The following TBC1D16 variants were observed in gnomAD, a reference collection of about 807,000 sequenced individuals.
TBC1D16 encodes TBC1 domain family member 16, also known as CTD-2529O21.1.
A neutral mutation model predicts 74.7 loss-of-function variants in TBC1D16; 58 were observed. That is an observed-to-expected ratio of 0.78 (90% CI 0.63 to 0.97). The LOEUF (loss-of-function observed/expected upper bound fraction) is 0.97, where lower values mean the gene tolerates loss of function less well. Ranked by LOEUF, TBC1D16 falls within the 50% of genes least tolerant of loss-of-function variation. The probability of loss-of-function intolerance (pLI) is 0.00; values close to 1 mark genes in which losing one functional copy is unlikely to be tolerated. For synonymous variants in TBC1D16, 493 were observed against 474.7 expected, an observed-to-expected ratio of 1.04 and a Z score of -0.50; for missense variants, 1,014 against 1,079.5, an observed-to-expected ratio of 0.94 and a Z score of 0.85.
chr17:79,933,962 T>C lies in TBC1D16; in HGVS notation c.*6897A>G, dbSNP rs1295531648. ...GAAGGACCCCAGAGAACTTCCCCTC[T>C]GGAGCCTGTGCGGCTGGTTGAGTGT... On this transcript the variant is annotated 3_prime_UTR_variant, in exon 12 of 12. Coordinates refer to ENST00000310924, the MANE Select transcript of TBC1D16 (RefSeq NM_019020.4). 6.6e-6 allele frequency: 1 copy of C among 152,282 alleles called. No individual in the cohort carries two copies. Among genetic ancestry groups the C allele is most frequent in the African/African-American group, 2.4e-5 (1 of 41,446 alleles). The allele number at this position is 152,282 out of a possible 1,614,324, so 9.4% of individuals were successfully genotyped here. A position where few individuals can be genotyped will look rare whatever the true frequency, so the allele number is the denominator to read the frequency against.
Position 80,007,840 on chromosome 17 carries a change from C to T in TBC1D16, c.779+2320G>A, listed in dbSNP as rs1461292392. 6.6e-6 allele frequency among the ~76,000 whole-genome samples: 1 copy of T among 152,066 alleles called. No homozygotes were observed. The highest frequency in any genetic ancestry group is 1.5e-5 in the Non-Finnish European group (1 of 68,004). On this transcript the variant is annotated intron_variant, in intron 3 of 11. Transcript: ENST00000310924. The surrounding 1 kb of genome is among the most constrained non-coding windows in gnomAD (Gnocchi z 4.5). ...GGGTGGGGAGGCAGGCAGCATCGCT[C>T]AGCAGGGCCAGATGGTGATGGGCCT...
intron 1 of TBC1D16, 125 bp from the exon 2 acceptor site, chr17:80,013,734 A>G (rs1003142808): frequency 1.2e-4 from 70 of 591,800 alleles, no homozygotes; most frequent in Admixed American, 9.2e-4. Context: ...GCTGGTGAAC[A>G]GCTCTGTACA....
chr17:80,024,820 A>G (rs2036490045), intron 1 of TBC1D16, among the ~76,000 whole-genome samples: 1 of 147,014 alleles, frequency 6.8e-6, no homozygotes, highest in Non-Finnish European at 1.5e-5. Context: ...TACACCATAG[A>G]CACACGCACT....
In TBC1D16 at chr17:79,961,964, TA is replaced by T. The variant is rs2033634595; in HGVS notation, c.780-9147del. Among the ~76,000 whole-genome samples the T allele has an allele frequency of 6.6e-6, 1 of 152,156 alleles. No homozygotes were observed. Among genetic ancestry groups the T allele is most frequent in the African/African-American group, 2.4e-5 (1 of 41,440 alleles). On this transcript the variant is annotated intron_variant, in intron 3 of 11. Transcript: ENST00000310924. The surrounding 1 kb of genome is among the most constrained non-coding windows in gnomAD (Gnocchi z 4.8). ...GCAGTAATGAATCGTGGTCTGTACA[TA>T]CCATGGCATACTACTCAGCTGTAAC...
rs1006827204 is a variant in TBC1D16 at position 79,937,027 on chromosome 17, T to C, written c.*3832A>G. Reference sequence around the variant, plus strand: ...GCAGAGCATACAGGGAGGTGCTTCCTTCCCTCTGCCCAGCGAGCAAAGGGT... The same window carrying C: ...GCAGAGCATACAGGGAGGTGCTTCCCTCCCTCTGCCCAGCGAGCAAAGGGT... On this transcript the variant is annotated 3_prime_UTR_variant, in exon 12 of 12. Coordinates refer to ENST00000310924, the MANE Select transcript of TBC1D16 (RefSeq NM_019020.4). 5 of 150,202 alleles carry C rather than the reference T, an allele frequency of 3.3e-5. No homozygotes were observed. The highest frequency in any genetic ancestry group is 1.2e-4 in the African/African-American group (5 of 40,902). 9.3% of individuals were successfully genotyped at this position (150,202 alleles called of 1,614,324 possible).
At chr17:80,014,427 A>G (rs549814589) in intron 1 of TBC1D16, among the ~76,000 whole-genome samples, 37 of 152,324 alleles carry the variant, frequency 2.4e-4, no homozygotes, top group Middle Eastern at 3.4e-3. Context: ...AACTCCTATA[A>G]ATTCATGGTG....
Position 79,956,296 on chromosome 17 carries a change from CT to C in TBC1D16, c.780-3479del, listed in dbSNP as rs2033332644. ...AAAGACAAGGTCTCCCTCTATCCCC[CT>C]GGCTGAAGTGCGGTGGTGCAAACAC... On this transcript the variant is annotated intron_variant, in intron 3 of 11. Coordinates refer to ENST00000310924, the MANE Select transcript of TBC1D16 (RefSeq NM_019020.4). This position sits in a 1 kb window ranked among gnomAD's most constrained non-coding sequence, Gnocchi z 4.0. 6.6e-6 allele frequency among the ~76,000 whole-genome samples: 1 copy of C among 152,244 alleles called. No homozygotes were observed. The highest frequency in any genetic ancestry group is 1.5e-5 in the Non-Finnish European group (1 of 68,038).
chr17:79,952,626 C>A, intron 4 of TBC1D16, 31 bp downstream of exon 4: 1 of 1,567,430 alleles, frequency 6.4e-7, no homozygotes, highest in Admixed American at 1.8e-5. Context: ...CACAGGCCAA[C>A]TCCCAGGAGG....
intron 1 of TBC1D16, among the ~76,000 whole-genome samples, chr17:80,024,279 C>G (rs1036093060): frequency 2.1e-4 from 6 of 29,262 alleles, no homozygotes; most frequent in Non-Finnish European, 3.6e-4. Flanking sequence ...AGTCAGAGGC[C>G]GAGAAGCACA....
chr17:79,953,082 C>G (rs1324142988), intron 3 of TBC1D16: 1 of 319,118 alleles, frequency 3.1e-6, no homozygotes, highest in African/African-American at 2.1e-5. Context: ...CATCATCGTC[C>G]TGACAGCCAA....
chr17:79,949,104 C>A (rs573166640), intron 7 of TBC1D16, 98 bp from the exon 8 acceptor site: 29 of 1,535,240 alleles, frequency 1.9e-5, no homozygotes, highest in Non-Finnish European at 1.3e-5. Flanking sequence ...TCCCAACCCC[C>A]GTTCCCTGGA....
chr17:79,940,973 G>A lies in TBC1D16; in HGVS notation c.2190C>T (p.Pro730=), dbSNP rs778439295. ...MPAVECTGHH[P]GSESCPYGGT... ...CCCCGTAGGGACAGCTCTCCGAGCC[G>A]GGATGGTGGCCGGTGCACTCCACCG... is the stretch of plus-strand genomic sequence containing the variant. The change falls in exon 12 of 12, where the codon CCC becomes CCT. Residue 730 remains proline (P), a synonymous_variant. Coordinates refer to ENST00000310924, the MANE Select transcript of TBC1D16 (RefSeq NM_019020.4). This position sits in a 1 kb window ranked among gnomAD's most constrained non-coding sequence, Gnocchi z 5.4. 2.2e-5 allele frequency: 35 copies of A among 1,606,342 alleles called. No individual in the cohort carries two copies. Among genetic ancestry groups the A allele is most frequent in the South Asian group, 1.9e-4 (17 of 89,638 alleles).
At chr17:80,028,746 A>G (rs2036674025) in intron 1 of TBC1D16, among the ~76,000 whole-genome samples, 1 of 150,802 alleles carries the variant, frequency 6.6e-6, no homozygotes, top group African/African-American at 2.4e-5. Flanking sequence ...GAGTAGCTGG[A>G]ATTACAGGCG....
In TBC1D16 at chr17:80,028,321, G is replaced by A. The variant is rs72848459; in HGVS notation, c.-63+7474C>T. On this transcript the variant is annotated intron_variant, in intron 1 of 11. Transcript: ENST00000310924. ...CGAGGCAGTTGCATCACCTGAAGTCGGGAGTTCATGACCAGCCTGGCCAAC... is the reference window on the plus strand; with the variant it reads ...CGAGGCAGTTGCATCACCTGAAGTCAGGAGTTCATGACCAGCCTGGCCAAC... Among the ~76,000 whole-genome samples, 703 of 151,990 alleles carry A rather than the reference G, an allele frequency of 4.6e-3. 2 individuals carry two copies. The highest frequency in any genetic ancestry group is 7.7e-3 in the Non-Finnish European group (525 of 67,972).
At chr17:80,015,363 G>C (rs557685199) in intron 1 of TBC1D16, among the ~76,000 whole-genome samples, 3 of 152,288 alleles carry the variant, frequency 2.0e-5, no homozygotes, top group African/African-American at 7.2e-5. Context: ...GAACCCGGGA[G>C]GTGGAGGTTG....
chr17:79,942,894 G>A (rs574274427), intron 10 of TBC1D16, among the ~76,000 whole-genome samples: 5 of 152,336 alleles, frequency 3.3e-5, no homozygotes, highest in South Asian at 2.1e-4. Context: ...ACCGCCTCAC[G>A]GGGCCTGCCA....
At chr17:80,029,440 A>G (rs1459300869) in intron 1 of TBC1D16, among the ~76,000 whole-genome samples, 2 of 151,912 alleles carry the variant, frequency 1.3e-5, no homozygotes, top group Non-Finnish European at 2.9e-5. Context: ...GTCCCCTAGG[A>G]GCCACTTGGC....
At chr17:79,973,253 C>T (rs1187477406) in intron 3 of TBC1D16, among the ~76,000 whole-genome samples, 1 of 152,018 alleles carries the variant, frequency 6.6e-6, no homozygotes, top group Non-Finnish European at 1.5e-5. Flanking sequence ...AAATTAGGCA[C>T]AGTAAGAGAT....
At chr17:80,017,680 CAAAAAAAAAAAAA>C (rs57336950) in intron 1 of TBC1D16, among the ~76,000 whole-genome samples, 1 of 84,824 alleles carries the variant, frequency 1.2e-5, no homozygotes, top group Non-Finnish European at 2.4e-5. Flanking sequence ...GACTCCATCT[CAAAAAAAAAAAAA>C]AAAAAAAAAA....
Sources: gnomAD v4.1 joint callset for allele counts (sites outside exome capture counted in the v4.1 genomes callset) on GRCh38, gnomAD v4.1.1 for gene constraint, Gnocchi (gnomAD v3.1) non-coding constraint, MANE v1.5 for transcripts, NCBI Gene and HGNC (gene_info 2026-07-23, HGNC 2026-07-21) for gene names.